The following GCNT1 variants were observed in gnomAD, a reference collection of about 807,000 sequenced individuals.
GCNT1 encodes glucosaminyl (N-acetyl) transferase 1, also known as beta-1,3-galactosyl-O-glycosyl-glycoprotein beta-1,6-N-acetylglucosaminyltransferase.
A neutral mutation model predicts 26.2 loss-of-function variants in GCNT1; 16 were observed. The observed-to-expected ratio is 0.61, with a 90% CI of 0.41 to 0.93. The LOEUF (loss-of-function observed/expected upper bound fraction) is 0.93. Among genes scored for constraint, GCNT1 ranks in the 40% least tolerant of loss-of-function variants. The pLI, the probability that GCNT1 is intolerant of heterozygous loss-of-function variation, is 0.00. For synonymous variants in GCNT1, 183 were observed against 190.8 expected, an observed-to-expected ratio of 0.96 and a Z score of 0.34; for missense variants, 477 against 526.7, an observed-to-expected ratio of 0.91 and a Z score of 0.92.
At chr9:76,494,692 T>C (rs1375428188) in intron 2 of GCNT1, among the ~76,000 whole-genome samples, 2 of 152,192 alleles carry the variant, frequency 1.3e-5, no homozygotes. Flanking sequence ...GAGTGGTTTT[T>C]ATAATAGGGA....
intron 1 of GCNT1, among the ~76,000 whole-genome samples, chr9:76,453,306 G>A (rs938537901): frequency 4.6e-5 from 7 of 152,118 alleles, no homozygotes; most frequent in African/African-American, 1.7e-4. Context: ...GGGTGAAGGA[G>A]GTGGACAGAT....
chr9:76,474,194 G>A (rs7871849), intron 2 of GCNT1, among the ~76,000 whole-genome samples: 41,337 of 151,748 alleles, frequency 0.27, 5,882 homozygotes, highest in East Asian at 0.31. Context: ...TTGCAATATC[G>A]GCAAAAATAA....
rs1011502292 is a variant in GCNT1, at chr9:76,503,272, G to A, written c.891G>A (p.Gly297=). The A allele has an allele frequency of 6.2e-6, 10 of 1,614,008 alleles. No individual in the cohort carries two copies. The highest frequency in any genetic ancestry group is 2.7e-5 in the African/African-American group (2 of 74,896). ...AYFVVSREYV[G]YVLQNEKIQK... is the part of the protein sequence containing the mutation. ...TCGTGGTCAGTAGGGAGTATGTGGG[G>A]TATGTACTACAGAATGAAAAAATCC... Residue 297 remains glycine, a synonymous_variant, in exon 4 of 4, where the codon GGG becomes GGA. Transcript: ENST00000376730.
At chr9:76,414,615 T>G in the GCNT1 span, among the ~76,000 whole-genome samples, 1 of 152,082 alleles carries the variant, frequency 6.6e-6, no homozygotes, top group East Asian at 1.9e-4. Flanking sequence ...GGATGAAGAG[T>G]TTCAGAAACT....
the GCNT1 span, among the ~76,000 whole-genome samples, chr9:76,414,657 G>C: frequency 6.6e-6 from 1 of 152,168 alleles, no homozygotes; most frequent in East Asian, 1.9e-4. Flanking sequence ...AACATGTAGG[G>C]TGATTTCCAG....
chr9:76,421,339 C>G (rs568722058), intron 1 of GCNT1, among the ~76,000 whole-genome samples: 1 of 152,074 alleles, frequency 6.6e-6, no homozygotes, highest in Non-Finnish European at 1.5e-5. Context: ...GTGGCTCACA[C>G]CTGTAATCCT....
the GCNT1 span, among the ~76,000 whole-genome samples, chr9:76,412,341 C>T: frequency 5.3e-5 from 8 of 152,254 alleles, no homozygotes; most frequent in East Asian, 1.5e-3. Context: ...TTTACCTTAA[C>T]TTATTCTTCT....
At chr9:76,399,314 G>T in the GCNT1 span, 2 of 1,436,902 alleles carry the variant, frequency 1.4e-6, no homozygotes, top group Admixed American at 1.7e-5. Flanking sequence ...CTTCTACAGA[G>T]ATCCTGAAGA....
chr9:76,460,613 ACTC>A (rs1300913833), intron 2 of GCNT1, among the ~76,000 whole-genome samples: 6 of 152,092 alleles, frequency 3.9e-5, no homozygotes, highest in African/African-American at 1.4e-4. Flanking sequence ...AGGGAGGAAA[ACTC>A]AGACTGTGTA....
chr9:76,505,028 T>C lies in GCNT1; in HGVS notation c.*1360T>C. 2.4e-6 allele frequency: 1 copy of C among 412,950 alleles called. No homozygotes were observed. Among genetic ancestry groups the C allele is most frequent in the Non-Finnish European group, 4.4e-6 (1 of 226,090 alleles). The allele number at this position is 412,950 out of a possible 1,614,324, so 25.6% of individuals were successfully genotyped here. A position where few individuals can be genotyped will look rare whatever the true frequency, so the allele number is the denominator to read the frequency against. On this transcript the variant is annotated 3_prime_UTR_variant, in exon 4 of 4. Coordinates refer to ENST00000376730, the MANE Select transcript of GCNT1 (RefSeq NM_001490.5). Reference sequence around the variant, plus strand: ...ATGCTGTCACACATCTCAAAGTACATTCAAATCTTAAAAAGAAATTCTCGT... The same window carrying C: ...ATGCTGTCACACATCTCAAAGTACACTCAAATCTTAAAAAGAAATTCTCGT...
upstream of GCNT1, chr9:76,459,100 G>A (rs1587422784): frequency 6.6e-6 from 1 of 152,492 alleles, no homozygotes; most frequent in South Asian, 2.1e-4. Flanking sequence ...CCAGCCCCGA[G>A]CTCGCGCAGG....
chr9:76,483,622 C>A (rs1824483928), intron 2 of GCNT1, among the ~76,000 whole-genome samples: 2 of 151,974 alleles, frequency 1.3e-5, no homozygotes, highest in South Asian at 4.1e-4. Flanking sequence ...GGTATCTCAC[C>A]ATTTTACTTA....
At chr9:76,497,771 A>T (rs540121707) in intron 2 of GCNT1, among the ~76,000 whole-genome samples, 1 of 152,152 alleles carries the variant, frequency 6.6e-6, no homozygotes, top group African/African-American at 2.4e-5. Flanking sequence ...AACAAAAAAA[A>T]ACCCAAGACT....
chr9:76,403,840 A>G, the GCNT1 span, among the ~76,000 whole-genome samples: 1 of 152,380 alleles, frequency 6.6e-6, no homozygotes, highest in Middle Eastern at 3.4e-3. Context: ...TTATAGGCAG[A>G]AGAATTCAGA....
chr9:76,482,811 AT>A (rs56267257), intron 2 of GCNT1, among the ~76,000 whole-genome samples: 17 of 115,876 alleles, frequency 1.5e-4, no homozygotes, highest in Non-Finnish European at 1.4e-4. Context: ...CACCGGGCTA[AT>A]TTTTTTTTTT....
In GCNT1 at chr9:76,503,020, G is replaced by C; in HGVS notation, c.639G>C (p.Leu213Phe). The change falls in exon 4 of 4, where the codon TTG becomes TTC. Residue 213 changes from leucine to phenylalanine, a missense_variant. Leu to Phe is a conservative substitution (Grantham distance 22, BLOSUM62 0). Coordinates refer to ENST00000376730, the MANE Select transcript of GCNT1 (RefSeq NM_001490.5). ...CAATGAGTGCAAACTGGAAGTACTTGATAAATCTTTGTGGTATGGATTTTC... is the reference window on the plus strand; with the variant it reads ...CAATGAGTGCAAACTGGAAGTACTTCATAAATCTTTGTGGTATGGATTTTC... The part of the protein sequence containing the change: ...LYAMSANWKY[L>F]INLCGMDFPI... 1.2e-6 allele frequency: 2 copies of C among 1,613,916 alleles called. No individual in the cohort carries two copies. Among genetic ancestry groups the C allele is most frequent in the Non-Finnish European group, 1.7e-6 (2 of 1,180,042 alleles).
At chr9:76,479,094 G>T (rs1188309512) in intron 2 of GCNT1, among the ~76,000 whole-genome samples, 1 of 151,818 alleles carries the variant, frequency 6.6e-6, no homozygotes, top group Non-Finnish European at 1.5e-5. Context: ...ACCTATGAGT[G>T]AGAACATGCG....
chr9:76,428,292 T>TAAAAAAAAAAAAAAAAAAAAAA lies in GCNT1; in HGVS notation n.38+8416_38+8417insAAAAAAAAAAAAAAAAAAAAAA, dbSNP rs1279001629. ...AAAAAAAAAAAAAAAAAAAAAAACT[T>TAAAAAAAAAAAAAAAAAAAAAA]AAAAAAAAAAAGAGAGAGAGAAATG... is the stretch of plus-strand genomic sequence containing the variant. On this transcript the variant is annotated intron_variant and non_coding_transcript_variant, in intron 1 of 3. Coordinates refer to the GCNT1 transcript ENST00000488136. 6.4e-4 allele frequency among the ~76,000 whole-genome samples: 55 copies of TAAAAAAAAAAAAAAAAAAAAAA among 85,908 alleles called. 2 individuals are homozygous for TAAAAAAAAAAAAAAAAAAAAAA. The highest frequency in any genetic ancestry group is 1.0e-3 in the Non-Finnish European group (40 of 38,806). 56.4% of individuals were successfully genotyped at this position (85,908 alleles called of 152,430 possible).
Position 76,495,034 on chromosome 9 carries a change from G to A in GCNT1, c.-289-5882G>A, listed in dbSNP as rs146150491. Among the ~76,000 whole-genome samples, 303 of 152,266 alleles carry A rather than the reference G, an allele frequency of 2.0e-3. 2 individuals are homozygous for A. The highest frequency in any genetic ancestry group is 7.0e-3 in the African/African-American group (289 of 41,560). Reference sequence around the variant, plus strand: ...CACCCGTATCTTTAGTCCGGCAGCCGCACTAGTCGCTTTTAACTGGCCGAT... The same window carrying A: ...CACCCGTATCTTTAGTCCGGCAGCCACACTAGTCGCTTTTAACTGGCCGAT... On this transcript the variant is annotated intron_variant, in intron 2 of 3. Coordinates refer to ENST00000376730, the MANE Select transcript of GCNT1 (RefSeq NM_001490.5).
Sources: gnomAD v4.1 joint callset for allele counts (sites outside exome capture counted in the v4.1 genomes callset) on GRCh38, gnomAD v4.1.1 for gene constraint, MANE v1.5 for transcripts, NCBI Gene and HGNC (gene_info 2026-07-23, HGNC 2026-07-21) for gene names.